CAPN8: variants seen among roughly 807,000 people sequenced by gnomAD.
The protein encoded by CAPN8 is calpain-8.
Under a neutral mutation model 80.9 loss-of-function variants are expected in CAPN8, and 87 were observed. That is an observed-to-expected ratio of 1.07 (90% CI 0.90 to 1.28). The LOEUF (loss-of-function observed/expected upper bound fraction) is 1.28. Ranked by LOEUF, CAPN8 falls within the 50% of genes most tolerant of loss-of-function variation. The probability of loss-of-function intolerance (pLI) is 0.00; values close to 1 mark genes in which losing one functional copy is unlikely to be tolerated. For missense variants in CAPN8, 757 were observed against 702.0 expected, an observed-to-expected ratio of 1.08 and a Z score of -0.89; for synonymous variants, 299 against 273.8, an observed-to-expected ratio of 1.09 and a Z score of -0.91.
chr1:223,543,641 C>T (rs1324378195), intron 19 of CAPN8, among the ~76,000 whole-genome samples: 1 of 152,120 alleles, frequency 6.6e-6, no homozygotes, highest in Non-Finnish European at 1.5e-5. Flanking sequence ...GGCAGAAAAA[C>T]GCCTATTGCC....
chr1:223,554,100 G>T (rs1041427851), intron 13 of CAPN8, among the ~76,000 whole-genome samples, 200 bp from the exon 14 acceptor site: 22 of 152,334 alleles, frequency 1.4e-4, no homozygotes, highest in African/African-American at 4.6e-4. Flanking sequence ...GTCCAGCAGG[G>T]ATGAGCAGAG....
chr1:223,556,823 T>G (rs1185776616), intron 13 of CAPN8, among the ~76,000 whole-genome samples: 1 of 152,178 alleles, frequency 6.6e-6, no homozygotes, highest in South Asian at 2.1e-4. Flanking sequence ...TACTCTACAC[T>G]GGCAAACCGC....
At chr1:223,613,294 C>G (rs1657082503) in intron 10 of CAPN8, among the ~76,000 whole-genome samples, 1 of 152,242 alleles carries the variant, frequency 6.6e-6, no homozygotes, top group African/African-American at 2.4e-5. Context: ...AGTCCAGGGT[C>G]ACAGTCATTC....
chr1:223,629,377 AT>A (rs1329980256), intron 2 of CAPN8, among the ~76,000 whole-genome samples: 1 of 152,218 alleles, frequency 6.6e-6, no homozygotes, highest in African/African-American at 2.4e-5. Flanking sequence ...ACTGCTTAGC[AT>A]TAAATCATCA....
At chr1:223,635,082 T>C (rs769417784) in intron 2 of CAPN8, among the ~76,000 whole-genome samples, 1 of 152,222 alleles carries the variant, frequency 6.6e-6, no homozygotes, top group Non-Finnish European at 1.5e-5. Flanking sequence ...CTGAGTATAA[T>C]GTAAAGATTT....
intron 11 of CAPN8, among the ~76,000 whole-genome samples, chr1:223,610,469 G>A (rs1438610807): frequency 6.6e-6 from 1 of 152,170 alleles, no homozygotes; most frequent in African/African-American, 2.4e-5. Context: ...ATGTGACCAA[G>A]GCCTACATGT....
intron 10 of CAPN8, among the ~76,000 whole-genome samples, chr1:223,615,152 A>C (rs1219101394): frequency 1.3e-5 from 2 of 152,218 alleles, no homozygotes; most frequent in Non-Finnish European, 2.9e-5. Flanking sequence ...ACATTAATTT[A>C]TACTGAGATA....
At chr1:223,609,539 T>G (rs1243751927) in intron 11 of CAPN8, among the ~76,000 whole-genome samples, 175 bp from the exon 12 acceptor site, 1 of 152,202 alleles carries the variant, frequency 6.6e-6, no homozygotes, top group Non-Finnish European at 1.5e-5. Context: ...AAGTGTATTT[T>G]CAGTGCCTTC....
intron 1 of CAPN8, among the ~76,000 whole-genome samples, chr1:223,655,072 G>A (rs1658446761): frequency 6.6e-6 from 1 of 151,922 alleles, no homozygotes; most frequent in African/African-American, 2.4e-5. Context: ...AGGGAGGTAG[G>A]AGAAAGGCAA....
At chr1:223,657,963 C>A (rs1158383925) in intron 1 of CAPN8, among the ~76,000 whole-genome samples, 3 of 152,098 alleles carry the variant, frequency 2.0e-5, no homozygotes, top group Non-Finnish European at 4.4e-5. Context: ...CTTACTCATG[C>A]TTGATTTTCT....
At chr1:223,626,939 A>T in intron 5 of CAPN8, 50 bp downstream of exon 5, 1 of 1,524,662 alleles carries the variant, frequency 6.6e-7, no homozygotes, top group South Asian at 1.2e-5. Flanking sequence ...CTACCACACA[A>T]GGGGTGGCGG....
intron 2 of CAPN8, among the ~76,000 whole-genome samples, chr1:223,640,476 A>G (rs1658015468): frequency 6.6e-6 from 1 of 152,104 alleles, no homozygotes; most frequent in Non-Finnish European, 1.5e-5. Flanking sequence ...CAGGACTGCT[A>G]TCTCACTCCC....
chr1:223,549,280 A>G (rs1292771660), intron 16 of CAPN8, 38 bp downstream of exon 16: 2 of 1,525,922 alleles, frequency 1.3e-6, no homozygotes, highest in Non-Finnish European at 1.8e-6. Flanking sequence ...ACCGGACGAA[A>G]GTAAAAAAAA....
At chr1:223,619,125 C>T (rs1657297043) in intron 9 of CAPN8, among the ~76,000 whole-genome samples, 168 bp downstream of exon 9, 1 of 152,066 alleles carries the variant, frequency 6.6e-6, no homozygotes, top group African/African-American at 2.4e-5. Context: ...GCCCGGGAGG[C>T]GGAGGTTGTG....
chr1:223,614,087 T>C (rs1657103866), intron 10 of CAPN8, among the ~76,000 whole-genome samples: 2 of 152,356 alleles, frequency 1.3e-5, no homozygotes, highest in South Asian at 4.1e-4. Context: ...GAAAGAATGC[T>C]TTGCTGGTCT....
chr1:223,662,625 C>G (rs1447466528), intron 1 of CAPN8, among the ~76,000 whole-genome samples: 1 of 152,164 alleles, frequency 6.6e-6, no homozygotes, highest in Non-Finnish European at 1.5e-5. Flanking sequence ...CTTAATGCCA[C>G]TGAACTGTGC....
chr1:223,663,602 A>T (rs986148128), intron 1 of CAPN8, among the ~76,000 whole-genome samples: 2 of 152,188 alleles, frequency 1.3e-5, no homozygotes, highest in Admixed American at 6.5e-5. Flanking sequence ...GCCTGGCACA[A>T]AATGGAAGCT....
At chr1:223,555,241 AT>A (rs1656877635) in intron 13 of CAPN8, among the ~76,000 whole-genome samples, 1 of 152,180 alleles carries the variant, frequency 6.6e-6, no homozygotes, top group Non-Finnish European at 1.5e-5. Context: ...ATGTTACTTC[AT>A]TTTAAATGTT....
chr1:223,554,218 T>C (rs888826025), intron 13 of CAPN8, among the ~76,000 whole-genome samples: 1 of 152,200 alleles, frequency 6.6e-6, no homozygotes, highest in African/African-American at 2.4e-5. Context: ...AAAATGACAC[T>C]GACACCAGAA....
Sources: gnomAD v4.1 joint callset for allele counts (sites outside exome capture counted in the v4.1 genomes callset) on GRCh38, gnomAD v4.1.1 for gene constraint, MANE v1.5 for transcripts, NCBI Gene and HGNC (gene_info 2026-07-23, HGNC 2026-07-21) for gene names.